Variants in SNX13 observed in about 807,000 individuals in gnomAD.
SNX13 encodes sorting nexin-13.
A neutral mutation model predicts 133.6 loss-of-function variants in SNX13; 45 were observed. The ratio of observed to expected loss-of-function variants is 0.34; its 90% confidence interval spans 0.27 to 0.43. SNX13 has a LOEUF of 0.43. Ranked by LOEUF, SNX13 falls within the 20% of genes least tolerant of loss-of-function variation. SNX13 has a pLI of 1.00. For synonymous variants in SNX13, 414 were observed against 373.9 expected (o/e 1.11, Z -1.24); for missense variants, 1,032 against 1,145.1 (o/e 0.90, Z 1.43).
intron 25 of SNX13, chr7:17,795,423 T>C (rs1172694771): frequency 6.6e-6 from 1 of 151,680 alleles, no homozygotes. Context: ...ATTATGTATA[T>C]ATAAATTTAT....
intron 12 of SNX13, among the ~76,000 whole-genome samples, chr7:17,844,084 T>G (rs1790214546): frequency 6.6e-6 from 1 of 151,596 alleles, no homozygotes; most frequent in African/African-American, 2.4e-5. Context: ...AGAGCAGAGA[T>G]AAACAAAAGA....
intron 5 of SNX13, among the ~76,000 whole-genome samples, chr7:17,877,176 G>GTC (rs1221830431): frequency 1.3e-5 from 2 of 151,480 alleles, no homozygotes; most frequent in Non-Finnish European, 2.9e-5. Flanking sequence ...AGAGAAAGCC[G>GTC]TAAGTATATG....
At chr7:17,799,528 A>G (rs905190731) in intron 22 of SNX13, among the ~76,000 whole-genome samples, 8 of 151,816 alleles carry the variant, frequency 5.3e-5, no homozygotes, top group Non-Finnish European at 1.2e-4. Flanking sequence ...TTTCACAAGA[A>G]TAAGATATTC....
chr7:17,801,043 T>TGG (rs1256530619), intron 22 of SNX13, among the ~76,000 whole-genome samples: 8 of 22,926 alleles, frequency 3.5e-4, no homozygotes, highest in African/African-American at 1.0e-3. Context: ...TATATATATA[T>TGG]ATATATATAT....
chr7:17,805,250 T>TGTGTGTGTGTGCGCGCGCGCGCGCGC, intron 20 of SNX13, among the ~76,000 whole-genome samples: 8 of 95,560 alleles, frequency 8.4e-5, no homozygotes, highest in Admixed American at 1.2e-4. Flanking sequence ...TGTGTGTGTG[T>TGTGTGTGTGTGCGCGCGCGCGCGCGC]GCGTGCGCGC....
At chr7:17,875,963 A>G (rs952794566) in intron 5 of SNX13, among the ~76,000 whole-genome samples, 173 bp from the exon 6 acceptor site, 13 of 152,204 alleles carry the variant, frequency 8.5e-5, no homozygotes. Context: ...AAGTAAATCA[A>G]ATCTACTTCA....
intron 10 of SNX13, 30 bp downstream of exon 10, chr7:17,850,796 A>G: frequency 6.8e-7 from 1 of 1,477,940 alleles, no homozygotes; most frequent in Non-Finnish European, 9.0e-7. Context: ...ACTTCAAAAA[A>G]ATATATCTTA....
At chr7:17,893,638 A>G (rs1796878327) in intron 2 of SNX13, among the ~76,000 whole-genome samples, 1 of 152,200 alleles carries the variant, frequency 6.6e-6, no homozygotes, top group South Asian at 2.1e-4. Context: ...TGAATTATAC[A>G]ATAATACTTT....
chr7:17,830,468 G>A, intron 15 of SNX13: 1 of 983,846 alleles, frequency 1.0e-6, no homozygotes, highest in South Asian at 4.7e-5. Context: ...AATAAAATCA[G>A]TCTGTACTGT....
At chr7:17,888,412 GA>G (rs1796252565) in intron 5 of SNX13, 1 of 219,530 alleles carries the variant, frequency 4.6e-6, no homozygotes. Context: ...CAAAAACAGG[GA>G]AAGTATTGCA....
rs1291272003 is a variant in SNX13 at position 17,816,298 on chromosome 7, C to G, written c.1846-9G>C. On this transcript the variant is annotated splice_polypyrimidine_tract_variant and intron_variant, in intron 18 of 25. Transcript: ENST00000428135. ...CTTGAGAGACTTTCAAACTGTAAGA[C>G]AAAATACATTCAATAGCACTTTTTA... The G allele has an allele frequency of 5.9e-6, 9 of 1,533,066 alleles. No homozygotes were observed. The highest frequency in any genetic ancestry group is 2.8e-5 in the African/African-American group (2 of 71,868). The allele number at this position is 1,533,066 out of a possible 1,614,324, so 95.0% of individuals were successfully genotyped here.
chr7:17,814,964 A>AAG lies in SNX13; in HGVS notation c.1954-21_1954-20insCT, dbSNP rs1254245965. 5.0e-6 allele frequency: 7 copies of AAG among 1,401,774 alleles called. No homozygotes were observed. Among genetic ancestry groups the AAG allele is most frequent in the South Asian group, 1.7e-5 (1 of 58,444 alleles). The allele number at this position is 1,401,774 out of a possible 1,614,324, so 86.8% of individuals were successfully genotyped here. ...CAGTAACTAACAAGAAAAAAAAAAA[A>AAG]AAGAAGAGATTATCTTAAACTGACA... On this transcript the variant is annotated intron_variant, in intron 19 of 25. Coordinates refer to ENST00000428135, the MANE Select transcript of SNX13 (RefSeq NM_015132.5).
chr7:17,800,374 C>G (rs895887435), intron 22 of SNX13, among the ~76,000 whole-genome samples: 4 of 151,488 alleles, frequency 2.6e-5, no homozygotes, highest in African/African-American at 7.3e-5. Flanking sequence ...TAAAACAGAT[C>G]CAAACATATA....
intron 1 of SNX13, among the ~76,000 whole-genome samples, chr7:17,917,566 A>G (rs958580485): frequency 1.3e-5 from 2 of 152,154 alleles, no homozygotes; most frequent in African/African-American, 4.8e-5. Flanking sequence ...AAAAGAAAAA[A>G]ATACCTAGGA....
At chr7:17,904,006 T>A (rs563685540) in intron 1 of SNX13, among the ~76,000 whole-genome samples, 101 of 152,130 alleles carry the variant, frequency 6.6e-4, no homozygotes, top group African/African-American at 2.3e-3. Context: ...CAAAAAAACA[T>A]AAAAAATGAC....
chr7:17,875,479 CCTT>C lies in SNX13; in HGVS notation c.662_664del (p.Glu221del), dbSNP rs756421106. 2 of 1,599,668 alleles carry C rather than the reference CCTT, an allele frequency of 1.3e-6. No individual in the cohort carries two copies. The highest frequency in any genetic ancestry group is 1.7e-6 in the Non-Finnish European group (2 of 1,175,870). ...TCAAAAAAGTTAAATTAAAAGAAAA[CCTT>C]CTTCATCTTTGGGGGAAGTGCACAC... On this transcript the variant is annotated inframe_deletion and splice_region_variant, in exon 7 of 26. Coordinates refer to ENST00000428135, the MANE Select transcript of SNX13 (RefSeq NM_015132.5).
At chr7:17,909,938 C>T (rs888875365) in intron 1 of SNX13, among the ~76,000 whole-genome samples, 2 of 152,142 alleles carry the variant, frequency 1.3e-5, no homozygotes, top group Non-Finnish European at 2.9e-5. Context: ...TCTACAAATC[C>T]ATTGATCAAA....
intron 5 of SNX13, among the ~76,000 whole-genome samples, chr7:17,886,598 A>G (rs538393636): frequency 1.3e-5 from 2 of 152,174 alleles, no homozygotes; most frequent in East Asian, 3.9e-4. Context: ...TCAAAAAAAA[A>G]AAGAATATAT....
At chr7:17,800,998 C>T (rs1784547168) in intron 22 of SNX13, among the ~76,000 whole-genome samples, 1 of 70,746 alleles carries the variant, frequency 1.4e-5, no homozygotes, top group African/African-American at 5.2e-5. Flanking sequence ...GCAGTATCTA[C>T]TAAAACTGAA....
Sources: allele counts gnomAD v4.1 joint callset (sites outside exome capture counted in the v4.1 genomes callset), GRCh38; gene constraint gnomAD v4.1.1; transcripts MANE v1.5; gene names NCBI Gene and HGNC (gene_info 2026-07-23, HGNC 2026-07-21).